Variants in PLPP4 observed in about 807,000 individuals in gnomAD.
The protein encoded by PLPP4 is phospholipid phosphatase 4.
PLPP4 carries 20 observed loss-of-function variants against 32.2 expected under a neutral mutation model. The ratio of observed to expected loss-of-function variants is 0.62; its 90% confidence interval spans 0.44 to 0.90. The LOEUF (loss-of-function observed/expected upper bound fraction) is 0.90. Ranked by LOEUF, PLPP4 falls within the 40% of genes least tolerant of loss-of-function variation. The probability of loss-of-function intolerance (pLI) is 0.00; values close to 1 mark genes in which losing one functional copy is unlikely to be tolerated. For missense variants in PLPP4, 257 were observed against 353.1 expected (o/e 0.73, Z 2.18); for synonymous variants, 127 against 133.0 (o/e 0.95, Z 0.31).
intron 5 of PLPP4, among the ~76,000 whole-genome samples, chr10:120,558,903 A>C (rs1292274462): frequency 2.6e-5 from 4 of 152,306 alleles, no homozygotes; most frequent in Non-Finnish European, 5.9e-5. Flanking sequence ...TTGCAGTAAA[A>C]TTTTTGGGTC....
chr10:120,535,168 C>G (rs1343411681), intron 5 of PLPP4, among the ~76,000 whole-genome samples: 1 of 152,102 alleles, frequency 6.6e-6, no homozygotes, highest in African/African-American at 2.4e-5. Context: ...CAATATGAGA[C>G]CTGTGGTGGT....
intron 5 of PLPP4, among the ~76,000 whole-genome samples, chr10:120,541,119 C>G (rs1372615444): frequency 6.6e-6 from 1 of 152,164 alleles, no homozygotes; most frequent in Non-Finnish European, 1.5e-5. Flanking sequence ...AATCATTGTT[C>G]TACATAAATA....
intron 2 of PLPP4, among the ~76,000 whole-genome samples, chr10:120,510,540 C>A (rs542675287): frequency 6.6e-6 from 1 of 152,346 alleles, no homozygotes; most frequent in Non-Finnish European, 1.5e-5. Context: ...GCTCCCCTGG[C>A]TCGGGCAGCA....
intron 1 of PLPP4, among the ~76,000 whole-genome samples, chr10:120,493,690 A>G (rs1283031043): frequency 6.6e-6 from 1 of 152,144 alleles, no homozygotes; most frequent in Non-Finnish European, 1.5e-5. Context: ...TTAGGAGGGT[A>G]CAGCAGTAGA....
intron 1 of PLPP4, among the ~76,000 whole-genome samples, chr10:120,462,051 G>C (rs898861320): frequency 6.6e-6 from 1 of 152,236 alleles, no homozygotes; most frequent in Non-Finnish European, 1.5e-5. Context: ...CAAGGTGCTA[G>C]GTTTCACTGA....
At chr10:120,514,273 C>T (rs189099901) in intron 3 of PLPP4, among the ~76,000 whole-genome samples, 7 of 152,292 alleles carry the variant, frequency 4.6e-5, no homozygotes, top group Non-Finnish European at 8.8e-5. Flanking sequence ...GCTGCTCAGG[C>T]GCAGACTCCG....
intron 5 of PLPP4, among the ~76,000 whole-genome samples, chr10:120,543,862 G>A (rs149305445): frequency 3.9e-5 from 6 of 152,278 alleles, no homozygotes; most frequent in Middle Eastern, 3.4e-3. Context: ...GAATCATACC[G>A]TATTCGTCTT....
intron 1 of PLPP4, among the ~76,000 whole-genome samples, chr10:120,471,353 AC>A (rs1202822400): frequency 1.5e-5 from 1 of 65,540 alleles, no homozygotes; most frequent in Non-Finnish European, 4.7e-5. Flanking sequence ...TCTTTAGCTG[AC>A]TAGCTCAAGT....
chr10:120,504,235 C>T (rs1194590810), intron 2 of PLPP4, among the ~76,000 whole-genome samples: 8 of 152,168 alleles, frequency 5.3e-5, no homozygotes, highest in South Asian at 2.1e-4. Flanking sequence ...GGAACAATGG[C>T]GGGAACATGC....
chr10:120,460,682 A>G (rs1848002562), intron 1 of PLPP4, among the ~76,000 whole-genome samples: 1 of 152,200 alleles, frequency 6.6e-6, no homozygotes, highest in African/African-American at 2.4e-5. Context: ...ATCTAAATCT[A>G]GATGCTCCAT....
chr10:120,487,707 A>C (rs1188838304), intron 1 of PLPP4, among the ~76,000 whole-genome samples: 3 of 152,122 alleles, frequency 2.0e-5, no homozygotes, highest in Admixed American at 2.0e-4. Context: ...ATTGTTTGGG[A>C]GGGGAGATTC....
At chr10:120,503,218 T>G (rs1020460821) in intron 1 of PLPP4, among the ~76,000 whole-genome samples, 1 of 152,190 alleles carries the variant, frequency 6.6e-6, no homozygotes, top group Non-Finnish European at 1.5e-5. Flanking sequence ...TGACTTGGCT[T>G]CTTTTGCCCT....
At chr10:120,585,308 C>T (rs185537641) in intron 6 of PLPP4, among the ~76,000 whole-genome samples, 4 of 152,326 alleles carry the variant, frequency 2.6e-5, no homozygotes, top group African/African-American at 9.6e-5. Context: ...CCAGAATTCA[C>T]GGTACATATT....
chr10:120,509,868 T>TG (rs1019058151), intron 2 of PLPP4, among the ~76,000 whole-genome samples: 6 of 152,168 alleles, frequency 3.9e-5, no homozygotes, highest in African/African-American at 1.4e-4. Flanking sequence ...TTTTTTAACT[T>TG]GGAAAAAAAG....
intron 5 of PLPP4, among the ~76,000 whole-genome samples, chr10:120,570,943 T>A (rs368574511): frequency 2.2e-4 from 33 of 152,168 alleles, no homozygotes; most frequent in African/African-American, 7.5e-4. Flanking sequence ...GTTTAGACCA[T>A]CTTTCCTACT....
chr10:120,556,708 G>A (rs1376842215), intron 5 of PLPP4, among the ~76,000 whole-genome samples: 2 of 152,106 alleles, frequency 1.3e-5, no homozygotes, highest in African/African-American at 2.4e-5. Flanking sequence ...CTATAAGATG[G>A]ATATTCGTAT....
intron 1 of PLPP4, among the ~76,000 whole-genome samples, chr10:120,499,724 A>G (rs915366892): frequency 1.3e-5 from 2 of 152,122 alleles, no homozygotes; most frequent in African/African-American, 4.8e-5. Flanking sequence ...CTGCAGTCAC[A>G]ACACTCCCAA....
At chr10:120,537,771 A>G (rs997759930) in intron 5 of PLPP4, among the ~76,000 whole-genome samples, 1 of 152,186 alleles carries the variant, frequency 6.6e-6, no homozygotes. Flanking sequence ...ATAAATACAT[A>G]TATCAAAATA....
chr10:120,495,158 T>C (rs537902692), intron 1 of PLPP4, among the ~76,000 whole-genome samples: 92 of 152,318 alleles, frequency 6.0e-4, no homozygotes, highest in African/African-American at 2.2e-3. Context: ...GGAATAATGG[T>C]AATTCCTGCC....
Sources: allele counts gnomAD v4.1 joint callset (sites outside exome capture counted in the v4.1 genomes callset), GRCh38; gene constraint gnomAD v4.1.1; transcripts MANE v1.5; gene names NCBI Gene and HGNC (gene_info 2026-07-23, HGNC 2026-07-21).